HERC6: variants seen among roughly 807,000 people sequenced by gnomAD.
HERC6 encodes HECT and RLD domain containing E3 ubiquitin protein ligase family member 6.
A neutral mutation model predicts 114.5 loss-of-function variants in HERC6; 101 were observed. The ratio of observed to expected loss-of-function variants is 0.88; its 90% CI spans 0.75 to 1.04. HERC6 has a LOEUF of 1.04. Ranked by LOEUF, HERC6 falls within the 50% of genes least tolerant of loss-of-function variation. The pLI, the probability that HERC6 is intolerant of heterozygous loss-of-function variation, is 0.00. For synonymous variants in HERC6, 408 were observed against 436.2 expected (o/e 0.94, Z 0.81); for missense variants, 1,133 against 1,230.9 (o/e 0.92, Z 1.19).
In HERC6 at chr4:88,440,607, C is replaced by T. The variant is rs147963959; in HGVS notation, c.2842+357C>T. The T allele has an allele frequency of 6.7e-3, 1,150 of 171,234 alleles. 12 individuals are homozygous for T. The highest frequency in any genetic ancestry group is 0.025 in the African/African-American group (1,053 of 42,198). 10.6% of individuals were successfully genotyped at this position (171,234 alleles called of 1,614,324 possible). ...CCAGGTGTACCATCCGCATAGGGCACGAATCTCTGGCAGCCCCTACCCCAA... is the reference window on the plus strand; with the variant it reads ...CCAGGTGTACCATCCGCATAGGGCATGAATCTCTGGCAGCCCCTACCCCAA... On this transcript the variant is annotated intron_variant, in intron 22 of 22. Transcript: ENST00000264346.
intron 11 of HERC6, among the ~76,000 whole-genome samples, chr4:88,412,843 T>C (rs1484381094): frequency 2.0e-5 from 3 of 152,202 alleles, no homozygotes; most frequent in African/African-American, 7.2e-5. Context: ...GGATTTCACT[T>C]TATTTTCTTC....
chr4:88,394,320 A>G (rs1418610219), intron 5 of HERC6, among the ~76,000 whole-genome samples: 3 of 151,374 alleles, frequency 2.0e-5, no homozygotes, highest in Admixed American at 6.6e-5. Flanking sequence ...TAAAAATACA[A>G]AAATTAGCTG....
chr4:88,379,228 G>C, intron 1 of HERC6, 108 bp downstream of exon 1: 2 of 875,150 alleles, frequency 2.3e-6, no homozygotes, highest in Non-Finnish European at 3.3e-6. Context: ...ACCCGGGTGA[G>C]GGGCGCGGGG....
In HERC6 at chr4:88,396,836, T is replaced by A. The variant is rs200075521; in HGVS notation, c.888-15T>A. Reference sequence around the variant, plus strand: ...GTGCCTTAGTCTTCATTATGGTGTATTCTCTTTCCTGTAGTTATCACACCC... The same window carrying A: ...GTGCCTTAGTCTTCATTATGGTGTAATCTCTTTCCTGTAGTTATCACACCC... On this transcript the variant is annotated splice_polypyrimidine_tract_variant and intron_variant, in intron 6 of 22. Transcript: ENST00000264346. The A allele has an allele frequency of 8.4e-6, 13 of 1,538,778 alleles. No homozygotes were observed. In the East Asian group the frequency reaches 3.1e-4, roughly 36 times the overall value.
At chr4:88,403,989 A>T (rs954802947) in intron 8 of HERC6, among the ~76,000 whole-genome samples, 8 of 152,096 alleles carry the variant, frequency 5.3e-5, no homozygotes, top group African/African-American at 1.9e-4. Flanking sequence ...AAATTCTGTA[A>T]CTATTAAATA....
rs200686637 is a variant in HERC6, at chr4:88,393,303, A to C, written c.665-185A>C. Among the ~76,000 whole-genome samples, 5 of 149,618 alleles carry C rather than the reference A, an allele frequency of 3.3e-5. No individual in the cohort carries two copies. The East Asian group carries it at 9.8e-4, about 29-fold the overall frequency. Reference sequence around the variant, plus strand: ...AAAAGATATAAAAGATACCCCTTACATAAAAAAAAAAGATATTAAAAATAT... The same window carrying C: ...AAAAGATATAAAAGATACCCCTTACCTAAAAAAAAAAGATATTAAAAATAT... On this transcript the variant is annotated intron_variant, in intron 4 of 22. Coordinates refer to ENST00000264346, the MANE Select transcript of HERC6 (RefSeq NM_017912.4).
Position 88,405,553 on chromosome 4 carries a change from G to A in HERC6, c.1215-1G>A, listed in dbSNP as rs1271929812. 1 of 1,529,016 alleles carries A rather than the reference G, an allele frequency of 6.5e-7. No individual in the cohort carries two copies. The highest frequency in any genetic ancestry group is 1.9e-5 in the Admixed American group (1 of 52,962). 94.7% of individuals were successfully genotyped at this position (1,529,016 alleles called of 1,614,324 possible). ...CTTACCCCTTGTTATTACTTTTACA[G>A]TGAAATTAGAATGATATTTTCATCT... On this transcript the variant is annotated splice_acceptor_variant, in intron 9 of 22. Coordinates refer to ENST00000264346, the MANE Select transcript of HERC6 (RefSeq NM_017912.4). LOFTEE classifies it high-confidence loss of function.
chr4:88,415,347 T>C (rs1255046255), intron 12 of HERC6, among the ~76,000 whole-genome samples: 6 of 152,174 alleles, frequency 3.9e-5, no homozygotes, highest in Non-Finnish European at 7.3e-5. Flanking sequence ...AATTCACACA[T>C]GCAGGAAACA....
At chr4:88,438,323 C>T (rs1307755362) in intron 20 of HERC6, among the ~76,000 whole-genome samples, 3 of 152,034 alleles carry the variant, frequency 2.0e-5, no homozygotes, top group Non-Finnish European at 1.5e-5. Context: ...AGACTCTATT[C>T]TAGGTGCTGG....
At chr4:88,430,605 T>TAAAA (rs1020181951) in intron 16 of HERC6, among the ~76,000 whole-genome samples, 1 of 150,478 alleles carries the variant, frequency 6.6e-6, no homozygotes, top group South Asian at 2.1e-4. Flanking sequence ...AATAAATAAA[T>TAAAA]AAATAAAAAG....
rs1157985171 is a variant in HERC6 at position 88,408,584 on chromosome 4, G to A, written c.1335G>A (p.Lys445=). 1 of 1,593,952 alleles carries A rather than the reference G, an allele frequency of 6.3e-7. No individual in the cohort carries two copies. The highest frequency in any genetic ancestry group is 8.6e-7 in the Non-Finnish European group (1 of 1,169,340). Residue 445 remains lysine (K), a synonymous_variant, in exon 11 of 23, where the codon AAG becomes AAA. Coordinates refer to ENST00000264346, the MANE Select transcript of HERC6 (RefSeq NM_017912.4). ...TAGAAATGGCAAGAGATACCTTCAA[G>A]AAGTTAACAAAAAAGGAATGGATTT... The part of the protein sequence containing the change: ...VDLEMARDTF[K]KLTKKEWISS...
intron 15 of HERC6, among the ~76,000 whole-genome samples, chr4:88,426,037 A>G (rs935022565): frequency 1.3e-5 from 2 of 152,196 alleles, no homozygotes; most frequent in Non-Finnish European, 2.9e-5. Context: ...TACATGGCTT[A>G]CATGACATTT....
chr4:88,439,778 T>A, intron 20 of HERC6, 96 bp from the exon 21 acceptor site: 1 of 1,182,938 alleles, frequency 8.5e-7, no homozygotes. Context: ...CTTTTCCTTC[T>A]CAATAGAAAT....
intron 5 of HERC6, among the ~76,000 whole-genome samples, chr4:88,395,529 A>G (rs1054520870): frequency 1.3e-5 from 2 of 152,220 alleles, no homozygotes; most frequent in African/African-American, 4.8e-5. Flanking sequence ...GCTAGTTAAC[A>G]TATGTATCAC....
At chr4:88,385,652 T>C in intron 3 of HERC6, 77 bp downstream of exon 3, 1 of 682,948 alleles carries the variant, frequency 1.5e-6, no homozygotes, top group Non-Finnish European at 2.5e-6. Context: ...TGATTTTTAA[T>C]GCACTGGGGT....
intron 8 of HERC6, among the ~76,000 whole-genome samples, chr4:88,400,161 G>C (rs1362321674): frequency 6.6e-6 from 1 of 152,172 alleles, no homozygotes; most frequent in African/African-American, 2.4e-5. Context: ...GCCAAGAGAA[G>C]AAAGCACCTG....
chr4:88,411,142 A>C (rs1311745185), intron 11 of HERC6, among the ~76,000 whole-genome samples: 1 of 152,182 alleles, frequency 6.6e-6, no homozygotes, highest in Admixed American at 6.5e-5. Context: ...TTTCATTTTC[A>C]AGATGAAGTG....
At chr4:88,390,952 A>G in intron 4 of HERC6, 73 bp downstream of exon 4, 1 of 1,264,204 alleles carries the variant, frequency 7.9e-7, no homozygotes, top group Non-Finnish European at 1.1e-6. Context: ...GGCAAAGGGC[A>G]GTCTTAACGC....
rs991973405 is a variant in HERC6, at chr4:88,428,673, A to G, written c.2029A>G (p.Arg677Gly). 2.5e-6 allele frequency: 4 copies of G among 1,604,782 alleles called. No homozygotes were observed. The African/African-American group carries it at 5.3e-5, about 21-fold the overall frequency. Reference protein sequence around the residue: ...PPSPRFILRVRRSRLVKDALR... With the variant: ...PPSPRFILRVGRSRLVKDALR... ...ATCACCCAGATTTATACTTAGAGTC[A>G]GACGAAGTCGCCTGGTTAAAGATGC... The change falls in exon 16 of 23, where the codon AGA becomes GGA. Residue 677 changes from arginine (R) to glycine (G), a missense_variant. Physicochemically the swap from Arg to Gly is moderately radical, Grantham distance 125 (BLOSUM62 -2). Transcript: ENST00000264346.
Sources: gnomAD v4.1 joint callset for allele counts (sites outside exome capture counted in the v4.1 genomes callset) on GRCh38, gnomAD v4.1.1 for gene constraint, MANE v1.5 for transcripts, NCBI Gene and HGNC (gene_info 2026-07-23, HGNC 2026-07-21) for gene names.